TRIM37: variants seen among roughly 807,000 people sequenced by gnomAD.
TRIM37 encodes the protein tripartite motif containing 37.
Under a neutral mutation model 129.8 loss-of-function variants are expected in TRIM37, and 80 were observed. The ratio of observed to expected loss-of-function variants is 0.62; its 90% CI spans 0.51 to 0.74. The LOEUF (loss-of-function observed/expected upper bound fraction) is 0.74, where lower values mean the gene tolerates loss of function less well. Among genes scored for constraint, TRIM37 ranks in the 30% least tolerant of loss-of-function variants. The pLI is 0.00. For missense variants in TRIM37, 1,054 were observed against 1,176.5 expected (o/e 0.90, Z 1.52); for synonymous variants, 389 against 387.1 (o/e 1.00, Z -0.06).
At chr17:59,070,750 C>T in intron 9 of TRIM37, 73 bp downstream of exon 9, 3 of 1,366,530 alleles carry the variant, frequency 2.2e-6, no homozygotes, top group East Asian at 2.5e-5. Context: ...AAAAAAAAAA[C>T]ATTCTTTTGA....
chr17:59,083,829 A>C (rs973197031), intron 5 of TRIM37, among the ~76,000 whole-genome samples, 173 bp downstream of exon 5: 16 of 152,252 alleles, frequency 1.1e-4, no homozygotes, highest in Non-Finnish European at 2.2e-4. Flanking sequence ...CAAACCACAC[A>C]AACAAGATTC....
At chr17:59,004,867 T>C (rs1332544723) in intron 22 of TRIM37, among the ~76,000 whole-genome samples, 2 of 152,224 alleles carry the variant, frequency 1.3e-5, no homozygotes, top group Non-Finnish European at 2.9e-5. Flanking sequence ...AAGAAGAGTT[T>C]GGTTAGCATT....
intron 22 of TRIM37, among the ~76,000 whole-genome samples, chr17:59,010,249 G>C (rs1327857222): frequency 6.6e-6 from 1 of 152,106 alleles, no homozygotes; most frequent in Non-Finnish European, 1.5e-5. Context: ...AGACATTTTT[G>C]GTTGTTGTAA....
chr17:59,036,257 G>T (rs2038464381), intron 17 of TRIM37, among the ~76,000 whole-genome samples: 1 of 152,004 alleles, frequency 6.6e-6, no homozygotes. Flanking sequence ...AAAATTAGTT[G>T]GGCGTGGTAG....
chr17:59,056,716 CAAAAAAAAAAAAAAA>C (rs869221576), intron 13 of TRIM37, among the ~76,000 whole-genome samples, 144 bp downstream of exon 13: 1,030 of 38,120 alleles, frequency 0.027, 42 homozygotes, highest in South Asian at 0.063. Context: ...ACTATGTCTC[CAAAAAAAAAAAAAAA>C]AAAAAAAAAA....
chr17:59,028,834 T>C, intron 18 of TRIM37, 111 bp from the exon 19 acceptor site: 1 of 1,094,518 alleles, frequency 9.1e-7, no homozygotes, highest in Non-Finnish European at 1.4e-6. Flanking sequence ...GTGCTTTACG[T>C]GGTATCAACA....
the TRIM37 span, chr17:58,972,769 TTAAAG>T: frequency 2.8e-6 from 4 of 1,409,354 alleles, no homozygotes; most frequent in Non-Finnish European, 4.0e-6. Flanking sequence ...TTGTTTACTG[TTAAAG>T]TAAATGAATA....
At chr17:59,036,447 GGTGTGTGTGTGTGTGTGTGTGTGT>G in intron 17 of TRIM37, among the ~76,000 whole-genome samples, 1 of 140,676 alleles carries the variant, frequency 7.1e-6, no homozygotes, top group African/African-American at 2.7e-5. Context: ...ATTTGCTGGG[GGTGTGTGTGTGTGTGTGTGTGTGT>G]GTGTGTGTGT....
At chr17:59,071,766 G>C (rs1028289741) in intron 8 of TRIM37, among the ~76,000 whole-genome samples, 1 of 152,058 alleles carries the variant, frequency 6.6e-6, no homozygotes, top group African/African-American at 2.4e-5. Flanking sequence ...GTAGATAAAA[G>C]ATAAGACTAC....
At position 58,998,480 on chromosome 17, in the gene TRIM37, T is replaced by A. The variant is rs959852232; in HGVS notation, c.*897A>T. 1 of 985,292 alleles carries A rather than the reference T, an allele frequency of 1.0e-6. No individual in the cohort carries two copies. The highest frequency in any genetic ancestry group is 4.7e-5 in the South Asian group (1 of 21,286). 61.0% of individuals were successfully genotyped at this position (985,292 alleles called of 1,614,324 possible). The stretch of plus-strand genomic sequence containing the variant: ...AGTTTGGCAACTGTTTTGGGCTAAT[T>A]ATGAGTATGAAAGAAAACCTTATAT... On this transcript the variant is annotated 3_prime_UTR_variant, in exon 24 of 24. Coordinates refer to ENST00000262294, the MANE Select transcript of TRIM37 (RefSeq NM_015294.6).
intron 5 of TRIM37, 150 bp from the exon 6 acceptor site, chr17:59,081,369 G>C: frequency 3.7e-6 from 4 of 1,085,774 alleles, no homozygotes; most frequent in Non-Finnish European, 5.3e-6. Flanking sequence ...AAGCAGGCCA[G>C]TGCCCGCTTA....
At chr17:59,047,887 G>C in intron 15 of TRIM37, 68 bp from the exon 16 acceptor site, 7 of 1,574,454 alleles carry the variant, frequency 4.4e-6, no homozygotes, top group Non-Finnish European at 6.1e-6. Flanking sequence ...ACCCCATCCA[G>C]CCCATAAACC....
chr17:59,104,607 G>A, intron 1 of TRIM37: 1 of 679,290 alleles, frequency 1.5e-6, no homozygotes, highest in Non-Finnish European at 2.7e-6. Context: ...TCTATTCTAA[G>A]GAAAATATAG....
At chr17:58,992,276 T>C (rs1276468006) in intron 24 of TRIM37, among the ~76,000 whole-genome samples, 1 of 142,250 alleles carries the variant, frequency 7.0e-6, no homozygotes, top group Non-Finnish European at 1.5e-5. Flanking sequence ...TAAATATATA[T>C]ATATTTATAT....
chr17:59,001,664 C>T lies in TRIM37; in HGVS notation c.2746G>A (p.Glu916Lys), dbSNP rs527789426. Residue 916 changes from glutamate to lysine, a missense_variant, in exon 23 of 24, where the codon GAA becomes AAA. Around this residue, in one of 3 missense-constraint regions of TRIM37, gnomAD observed 287 missense variants for 274.3 expected, o/e 1.05. Coordinates refer to ENST00000262294, the MANE Select transcript of TRIM37 (RefSeq NM_015294.6). ...AACCCGCCCACACTGGTATGCTCTT[C>T]CTGCTCCTCATTCTCAGTGTCACAT... is the stretch of plus-strand genomic sequence containing the variant. ...IECDTENEEQ[E>K]EHTSVGGFHD... is the part of the protein sequence containing the mutation. 76 of 1,614,060 alleles carry T rather than the reference C, an allele frequency of 4.7e-5. No individual in the cohort carries two copies. In the South Asian group the frequency reaches 7.2e-4, roughly 15 times the overall value.
chr17:59,051,280 A>T lies in TRIM37; in HGVS notation c.1248T>A (p.His416Gln). ...CAGCTTCCAACTGAGTAATGTACCAATGCTGGTCCCGGGATTTTTGAAAGA... is the reference window on the plus strand; with the variant it reads ...CAGCTTCCAACTGAGTAATGTACCATTGCTGGTCCCGGGATTTTTGAAAGA... The part of the protein sequence containing the change: ...PTFFQKSRDQ[H>Q]WYITQLEAAQ... Residue 416 changes from histidine (H) to glutamine (Q), a missense_variant, in exon 14 of 24, where the codon CAT (histidine) becomes CAA (glutamine). By Grantham distance (24) the His-to-Gln change is conservative. Transcript: ENST00000262294. The T allele has an allele frequency of 6.2e-7, 1 of 1,613,968 alleles. No homozygotes were observed. Among genetic ancestry groups the T allele is most frequent in the Non-Finnish European group, 8.5e-7 (1 of 1,179,916 alleles).
chr17:59,066,218 G>A (rs1019361947), intron 9 of TRIM37, among the ~76,000 whole-genome samples: 6 of 152,150 alleles, frequency 3.9e-5, no homozygotes, highest in African/African-American at 1.4e-4. Context: ...AACCTAGTAA[G>A]AGCTCTAAGG....
Position 58,998,418 on chromosome 17 carries a change from T to C in TRIM37, c.*959A>G, listed in dbSNP as rs2033229464. ...TTTCAGTGTAATTTCCACAAATATATAGCAGCTCAAACACAAATGCAGGAG... is the reference window on the plus strand; with the variant it reads ...TTTCAGTGTAATTTCCACAAATATACAGCAGCTCAAACACAAATGCAGGAG... On this transcript the variant is annotated 3_prime_UTR_variant, in exon 24 of 24. Transcript: ENST00000262294. 6.1e-6 allele frequency: 6 copies of C among 985,384 alleles called. No homozygotes were observed. The highest frequency in any genetic ancestry group is 1.1e-4 in the East Asian group (1 of 8,816). The allele number at this position is 985,384 out of a possible 1,614,324, so 61.0% of individuals were successfully genotyped here.
chr17:59,036,447 G>GGTGTGT (rs10625636), intron 17 of TRIM37, among the ~76,000 whole-genome samples: 11,247 of 140,582 alleles, frequency 0.08, 494 homozygotes, highest in Middle Eastern at 0.14. Flanking sequence ...ATTTGCTGGG[G>GGTGTGT]GTGTGTGTGT....
Sources: gnomAD v4.1 joint callset for allele counts (sites outside exome capture counted in the v4.1 genomes callset) on GRCh38, gnomAD v4.1.1 for gene constraint, gnomAD v4.1.1 regional missense constraint, MANE v1.5 for transcripts, NCBI Gene and HGNC (gene_info 2026-07-23, HGNC 2026-07-21) for gene names.